ORC4: variants seen among roughly 807,000 people sequenced by gnomAD.
The protein encoded by ORC4 is origin recognition complex, subunit 4 homolog.
In ORC4, 55 loss-of-function variants were observed where a neutral mutation model predicts 63.9. That is an observed-to-expected ratio of 0.86 (90% CI 0.69 to 1.08). The LOEUF (loss-of-function observed/expected upper bound fraction) is 1.08. Among genes scored for constraint, ORC4 ranks in the 50% least tolerant of loss-of-function variants. The pLI, the probability that ORC4 is intolerant of heterozygous loss-of-function variation, is 0.00. For synonymous variants in ORC4, 150 were observed against 168.5 expected (o/e 0.89, Z 0.85); for missense variants, 511 against 504.4 (o/e 1.01, Z -0.13).
At chr2:147,986,790 T>TACACACACACACACACACACAC (rs70992183) in intron 1 of ORC4, among the ~76,000 whole-genome samples, 4 of 148,652 alleles carry the variant, frequency 2.7e-5, no homozygotes, top group African/African-American at 9.9e-5. Context: ...CACACACACA[T>TACACACACACACACACACACAC]ACACACACAC....
At chr2:147,947,991 G>C in intron 9 of ORC4, 60 bp downstream of exon 9, 1 of 1,361,746 alleles carries the variant, frequency 7.3e-7, no homozygotes, top group East Asian at 2.3e-5. Context: ...TAAAATTTGT[G>C]TTTTAATTGC....
chr2:147,952,722 C>T lies in ORC4; in HGVS notation c.437-198G>A, dbSNP rs118185038. 3.8e-4 allele frequency among the ~76,000 whole-genome samples: 58 copies of T among 152,266 alleles called. 1 individual carries two copies. In the East Asian group the frequency reaches 0.011, roughly 28 times the overall value. On this transcript the variant is annotated intron_variant, in intron 7 of 13. Transcript: ENST00000392857. ...ATTCAAAGGACAAACACAGCCCCGA[C>T]TGCTCTCAAGAAGTTCAGTCTAGGC... is the stretch of plus-strand genomic sequence containing the variant.
Position 147,958,332 on chromosome 2 carries a change from A to G in ORC4, c.353T>C (p.Leu118Ser), listed in dbSNP as rs61750441. The change falls in exon 6 of 14, where the codon TTA becomes TCA. Residue 118 changes from leucine (L) to serine (S), a missense_variant. Transcript: ENST00000392857. ...KIALKEITRQ[L>S]NLENVVGDKV... ...ATCTCCAACTACATTTTCCAGATTTAACTGCCTTGTGATTTCCTTTAGGGC... is the reference window on the plus strand; with the variant it reads ...ATCTCCAACTACATTTTCCAGATTTGACTGCCTTGTGATTTCCTTTAGGGC... 3,945 of 1,612,158 alleles carry G rather than the reference A, an allele frequency of 2.4e-3. 9 individuals are homozygous for G. Among genetic ancestry groups the G allele is most frequent in the Non-Finnish European group, 3.0e-3 (3,477 of 1,178,612 alleles).
chr2:147,977,572 A>C (rs2105361214), intron 1 of ORC4, among the ~76,000 whole-genome samples: 1 of 152,258 alleles, frequency 6.6e-6, no homozygotes. Flanking sequence ...TGGAAAAGTC[A>C]ATTGGAGGGC....
chr2:148,016,439 A>C (rs556266077), intron 1 of ORC4, among the ~76,000 whole-genome samples: 185 of 152,348 alleles, frequency 1.2e-3, no homozygotes, highest in Non-Finnish European at 2.2e-3. Flanking sequence ...GCCTGCAGCC[A>C]GCATGGGTCA....
At chr2:147,975,647 G>T (rs1427349211) in intron 2 of ORC4, among the ~76,000 whole-genome samples, 2 of 152,076 alleles carry the variant, frequency 1.3e-5, no homozygotes, top group Admixed American at 6.6e-5. Context: ...AAAAAGGGCA[G>T]AGAACAATCA....
chr2:148,000,700 A>C (rs1444560216), intron 1 of ORC4, among the ~76,000 whole-genome samples: 1 of 152,248 alleles, frequency 6.6e-6, no homozygotes, highest in South Asian at 2.1e-4. Flanking sequence ...CTCTGGGAGA[A>C]ATTTCTTGAT....
Position 147,973,474 on chromosome 2 carries a change from G to C in ORC4, c.108C>G (p.Asn36Lys), listed in dbSNP as rs1360275303. ...ERFCRQSPHSNLFGVQVQYKH... is the reference protein window; with the variant it reads ...ERFCRQSPHSKLFGVQVQYKH... ...TGTATTGTACTTGCACTCCAAATAG[G>C]TTACTATGTGGACTCTGACGACAAA... Residue 36 changes from asparagine (N) to lysine (K), a missense_variant, in exon 3 of 14, where the codon AAC becomes AAG. Transcript: ENST00000392857. 6.2e-7 allele frequency: 1 copy of C among 1,605,640 alleles called. No homozygotes were observed. The highest frequency in any genetic ancestry group is 8.5e-7 in the Non-Finnish European group (1 of 1,172,760).
At chr2:148,009,475 A>C (rs1435904596) in intron 1 of ORC4, among the ~76,000 whole-genome samples, 1 of 152,160 alleles carries the variant, frequency 6.6e-6, no homozygotes, top group African/African-American at 2.4e-5. Context: ...ACTATGAAGA[A>C]AGAAAAAAAG....
chr2:147,987,063 C>A lies in ORC4; in HGVS notation c.-17-11088G>T, dbSNP rs557084456. On this transcript the variant is annotated intron_variant, in intron 1 of 13. Transcript: ENST00000392857. Reference sequence around the variant, plus strand: ...TTTTTTTTTTAGACCCAGGGTCTCACTGTATTGCACAAGCTGGATTTGAAT... The same window carrying A: ...TTTTTTTTTTAGACCCAGGGTCTCAATGTATTGCACAAGCTGGATTTGAAT... Among the ~76,000 whole-genome samples the A allele has an allele frequency of 2.6e-5, 4 of 151,652 alleles. No individual in the cohort carries two copies. In the East Asian group the frequency reaches 5.8e-4, roughly 22 times the overall value.
At chr2:147,937,971 C>T (rs1013004642) in intron 13 of ORC4, 175 bp downstream of exon 13, 14 of 631,962 alleles carry the variant, frequency 2.2e-5, no homozygotes, top group Admixed American at 5.6e-5. Flanking sequence ...CTAAAACAAC[C>T]GGTCACTTCC....
At chr2:147,972,702 C>T in intron 4 of ORC4, 37 bp downstream of exon 4, 1 of 1,185,810 alleles carries the variant, frequency 8.4e-7, no homozygotes, top group Admixed American at 1.7e-5. Flanking sequence ...TAAGAATCAT[C>T]ACATGCCAAC....
chr2:147,993,620 G>T (rs1315420458), intron 1 of ORC4, among the ~76,000 whole-genome samples: 2 of 152,106 alleles, frequency 1.3e-5, no homozygotes, highest in African/African-American at 4.8e-5. Flanking sequence ...AGGTAATCTT[G>T]CAAGGATAAA....
intron 6 of ORC4, among the ~76,000 whole-genome samples, chr2:147,957,992 T>C (rs1330014733): frequency 6.6e-6 from 1 of 152,148 alleles, no homozygotes; most frequent in Non-Finnish European, 1.5e-5. Context: ...TGTGTTAATC[T>C]ATCTCCAGAG....
At chr2:147,963,175 C>T (rs1689702214) in intron 4 of ORC4, among the ~76,000 whole-genome samples, 1 of 152,150 alleles carries the variant, frequency 6.6e-6, no homozygotes, top group Non-Finnish European at 1.5e-5. Flanking sequence ...CTGAGAAGTA[C>T]ACTTGCCAAC....
At chr2:147,969,328 T>C (rs959434675) in intron 4 of ORC4, among the ~76,000 whole-genome samples, 7 of 152,066 alleles carry the variant, frequency 4.6e-5, no homozygotes, top group African/African-American at 1.2e-4. Context: ...TTTGAGATGA[T>C]TGATATGCTA....
intron 1 of ORC4, among the ~76,000 whole-genome samples, chr2:148,006,195 G>A (rs1692618692): frequency 6.6e-6 from 1 of 152,166 alleles, no homozygotes; most frequent in African/African-American, 2.4e-5. Flanking sequence ...AGTAAGTATG[G>A]GACTTTGCGC....
intron 1 of ORC4, among the ~76,000 whole-genome samples, chr2:148,003,725 A>G (rs368096153): frequency 6.6e-6 from 1 of 152,052 alleles, no homozygotes; most frequent in African/African-American, 2.4e-5. Context: ...CTCTCTCACC[A>G]CTCCTATTCA....
chr2:147,972,225 G>A (rs1447009541), intron 4 of ORC4, among the ~76,000 whole-genome samples: 4 of 152,062 alleles, frequency 2.6e-5, no homozygotes, highest in Admixed American at 6.6e-5. Context: ...GATATAAGAT[G>A]TGAGCATGCA....
Sources: gnomAD v4.1 joint callset for allele counts (sites outside exome capture counted in the v4.1 genomes callset) on GRCh38, gnomAD v4.1.1 for gene constraint, MANE v1.5 for transcripts, NCBI Gene and HGNC (gene_info 2026-07-23, HGNC 2026-07-21) for gene names.